EDEM3: variants seen among roughly 807,000 people sequenced by gnomAD.
EDEM3 encodes ER degradation enhancing alpha-mannosidase like protein 3.
In EDEM3, 60 loss-of-function variants were observed where a neutral mutation model predicts 110.2. That is an observed-to-expected ratio of 0.54 (90% CI 0.44 to 0.67). The LOEUF is 0.67. Among genes scored for constraint, EDEM3 ranks in the 30% least tolerant of loss-of-function variants. The pLI is 0.00. For synonymous variants in EDEM3, 352 were observed against 382.9 expected (o/e 0.92, Z 0.94); for missense variants, 996 against 1,121.0 (o/e 0.89, Z 1.59).
chr1:184,698,711 C>T (rs894516137), intron 19 of EDEM3, among the ~76,000 whole-genome samples: 1 of 151,672 alleles, frequency 6.6e-6, no homozygotes, highest in African/African-American at 2.4e-5. Context: ...ATACCAATAA[C>T]TATTCTATGC....
chr1:184,694,511 A>T (rs761080421), intron 19 of EDEM3, 39 bp from the exon 20 acceptor site: 2 of 1,420,930 alleles, frequency 1.4e-6, no homozygotes, highest in South Asian at 2.7e-5. Flanking sequence ...TACTTCTCTA[A>T]AAAAATGTAC....
At chr1:184,698,246 T>A (rs1048652308) in intron 19 of EDEM3, among the ~76,000 whole-genome samples, 1 of 151,824 alleles carries the variant, frequency 6.6e-6, no homozygotes, top group Non-Finnish European at 1.5e-5. Context: ...ACGACCCATA[T>A]ACTTTCTGCC....
intron 13 of EDEM3, among the ~76,000 whole-genome samples, chr1:184,712,815 T>TA (rs1260047952): frequency 6.6e-6 from 1 of 152,208 alleles, no homozygotes; most frequent in Non-Finnish European, 1.5e-5. Flanking sequence ...ACCACACTGA[T>TA]ACACTGAATC....
At chr1:184,724,463 C>G (rs1218894316) in intron 7 of EDEM3, among the ~76,000 whole-genome samples, 1 of 152,086 alleles carries the variant, frequency 6.6e-6, no homozygotes, top group East Asian at 1.9e-4. Flanking sequence ...TTTATTTTAT[C>G]TACTAGACAC....
intron 6 of EDEM3, among the ~76,000 whole-genome samples, chr1:184,729,677 C>A (rs1651389798): frequency 6.6e-6 from 1 of 152,082 alleles, no homozygotes; most frequent in Non-Finnish European, 1.5e-5. Flanking sequence ...GCATACTAAG[C>A]ATGTATAAGA....
Position 184,718,338 on chromosome 1 carries a change from T to C in EDEM3, c.1162-715A>G, listed in dbSNP as rs149926778. ...AAAAATAAAAGCAAACAAAAACTTT[T>C]ATGGGAGCTAAATAAAAATTTCATT... On this transcript the variant is annotated intron_variant, in intron 11 of 19. Coordinates refer to ENST00000318130, the MANE Select transcript of EDEM3 (RefSeq NM_025191.4). Among the ~76,000 whole-genome samples the C allele has an allele frequency of 9.1e-4, 139 of 152,226 alleles. 1 individual carries two copies. Among genetic ancestry groups the C allele is most frequent in the Admixed American group, 2.6e-3 (40 of 15,286 alleles).
At chr1:184,749,505 C>A in intron 2 of EDEM3, 42 bp downstream of exon 2, 1 of 1,397,018 alleles carries the variant, frequency 7.2e-7, no homozygotes, top group Non-Finnish European at 9.9e-7. Context: ...ACATAATAAT[C>A]AACTCACATA....
chr1:184,737,043 A>C lies in EDEM3; in HGVS notation c.327T>G (p.Asp109Glu). ...AACCTACCACAAGAGTGTCCAAAGA[A>C]TCAATCAGTGTCAGAGAAAATCTAA... Reference protein sequence around the residue: ...ALGKFSLTLIDSLDTLVVLNK... With the variant: ...ALGKFSLTLIESLDTLVVLNK... The change falls in exon 4 of 20, where the codon GAT becomes GAG. Residue 109 changes from aspartate to glutamate, a missense_variant. Physicochemically the swap from Asp to Glu is conservative, Grantham distance 45 (BLOSUM62 2). Around this residue, in one of 5 missense-constraint regions of EDEM3, gnomAD observed 200 missense variants for 183.8 expected, o/e 1.09. Coordinates refer to ENST00000318130, the MANE Select transcript of EDEM3 (RefSeq NM_025191.4). 6.2e-7 allele frequency: 1 copy of C among 1,611,618 alleles called. No individual in the cohort carries two copies. The highest frequency in any genetic ancestry group is 8.5e-7 in the Non-Finnish European group (1 of 1,178,756).
At chr1:184,712,267 A>G (rs972684558) in intron 14 of EDEM3, among the ~76,000 whole-genome samples, 166 bp downstream of exon 14, 4 of 152,178 alleles carry the variant, frequency 2.6e-5, no homozygotes, top group African/African-American at 9.7e-5. Flanking sequence ...AATGAAATAT[A>G]TAAGTGTATA....
chr1:184,695,710 G>A (rs935078575), intron 19 of EDEM3, among the ~76,000 whole-genome samples: 11 of 152,084 alleles, frequency 7.2e-5, no homozygotes, highest in Middle Eastern at 3.4e-3. Context: ...AGGGAGAACT[G>A]TAAGGAGATT....
rs1649214642 is a variant in EDEM3, at chr1:184,694,267, A to G, written c.2595T>C (p.Ser865=). ...TAGTCTCATGGTTTTCTGTGGGATT[A>G]GAAGTCTGTTCAGAAGGGGAAATGC... ...AASISPSEQT[S]NPTENHETTN... The change falls in exon 20 of 20, where the codon TCT becomes TCC. Residue 865 remains serine, a synonymous_variant. Transcript: ENST00000318130. 1 of 1,613,374 alleles carries G rather than the reference A, an allele frequency of 6.2e-7. No homozygotes were observed. The highest frequency in any genetic ancestry group is 8.5e-7 in the Non-Finnish European group (1 of 1,179,606).
chr1:184,743,130 C>A (rs1250810070), intron 2 of EDEM3, among the ~76,000 whole-genome samples: 1 of 152,256 alleles, frequency 6.6e-6, no homozygotes, highest in African/African-American at 2.4e-5. Flanking sequence ...GAGTTTCAAA[C>A]CAGGTGTAAA....
rs957180262 is a variant in EDEM3 at position 184,741,409 on chromosome 1, TAAAAATA to T, written c.205-3705_205-3699del. 2.1e-4 allele frequency among the ~76,000 whole-genome samples: 32 copies of T among 151,682 alleles called. No individual in the cohort carries two copies. The East Asian group carries it at 2.3e-3, about 11-fold the overall frequency. On this transcript the variant is annotated intron_variant, in intron 2 of 19. Transcript: ENST00000318130. Reference sequence around the variant, plus strand: ...AGTGAGACTCCGTCTCAAAAAAAAATAAAAATAAAAAATAAAAAATAAAATGAAATGA... The same window carrying T: ...AGTGAGACTCCGTCTCAAAAAAAAATAAAAATAAAAAATAAAATGAAATGA...
At chr1:184,698,768 G>C (rs1418399354) in intron 19 of EDEM3, among the ~76,000 whole-genome samples, 1 of 151,666 alleles carries the variant, frequency 6.6e-6, no homozygotes, top group African/African-American at 2.4e-5. Flanking sequence ...TAAATGTAGA[G>C]AAGCAGAGAG....
chr1:184,740,300 AGTTAT>A (rs1198575693), intron 2 of EDEM3, among the ~76,000 whole-genome samples: 2 of 152,180 alleles, frequency 1.3e-5, no homozygotes, highest in Non-Finnish European at 2.9e-5. Flanking sequence ...GATTTTTGTC[AGTTAT>A]GTTATTAGAG....
At chr1:184,706,892 AAGAACT>A (rs1328368185) in intron 17 of EDEM3, 84 bp from the exon 18 acceptor site, 1 of 1,363,710 alleles carries the variant, frequency 7.3e-7, no homozygotes, top group African/African-American at 1.5e-5. Context: ...AGAGTTTTAA[AAGAACT>A]AGAACTCATT....
chr1:184,741,544 G>A (rs1652141306), intron 2 of EDEM3, among the ~76,000 whole-genome samples: 1 of 151,790 alleles, frequency 6.6e-6, no homozygotes, highest in Non-Finnish European at 1.5e-5. Flanking sequence ...AGAAAGAAAA[G>A]TTTTGATGCT....
intron 19 of EDEM3, 98 bp downstream of exon 19, chr1:184,702,713 G>T: frequency 1.1e-6 from 1 of 897,528 alleles, no homozygotes; most frequent in Non-Finnish European, 1.5e-6. Context: ...TTTTCACAGT[G>T]AACCCCCCAA....
Position 184,712,512 on chromosome 1 carries a change from T to C in EDEM3, c.1457A>G (p.Asp486Gly). The change falls in exon 14 of 20, where the codon GAT becomes GGT. Residue 486 changes from aspartate to glycine, a missense_variant. Physicochemically the swap from Asp to Gly is moderately conservative, Grantham distance 94. This residue lies in a region of EDEM3 where 138 missense variants were observed against 124.3 expected (regional missense o/e 1.11). Coordinates refer to ENST00000318130, the MANE Select transcript of EDEM3 (RefSeq NM_025191.4). ...ATGAGCTTCTGTTGTAAAGATGTAA[T>C]CTTCTATGTCAAAAATAATGTCTTC... ...DKEDIIFDIE[D>G]YIFTTEAHLL... 6 of 1,604,632 alleles carry C rather than the reference T, an allele frequency of 3.7e-6. No homozygotes were observed. The highest frequency in any genetic ancestry group is 1.7e-4 in the Middle Eastern group (1 of 6,016).
Sources: gnomAD v4.1 joint callset for allele counts (sites outside exome capture counted in the v4.1 genomes callset) on GRCh38, gnomAD v4.1.1 for gene constraint, gnomAD v4.1.1 regional missense constraint, MANE v1.5 for transcripts, NCBI Gene and HGNC (gene_info 2026-07-23, HGNC 2026-07-21) for gene names.